C9orf72: variants seen among roughly 807,000 people sequenced by gnomAD.
C9orf72 encodes the protein C9orf72-SMCR8 complex subunit, also known as guanine nucleotide exchange factor C9orf72.
In C9orf72, 44 loss-of-function variants were observed where a neutral mutation model predicts 51.6. The observed-to-expected ratio is 0.85, with a 90% CI of 0.67 to 1.10. The LOEUF is 1.10. Ranked by LOEUF, C9orf72 falls within the 50% of genes least tolerant of loss-of-function variation. The probability of loss-of-function intolerance (pLI) is 0.00; values close to 1 mark genes in which losing one functional copy is unlikely to be tolerated. For missense variants in C9orf72, 607 were observed against 570.6 expected (o/e 1.06, Z -0.65); for synonymous variants, 213 against 194.2 (o/e 1.10, Z -0.81).
At chr9:27,556,420 C>T (rs1485107008) in intron 8 of C9orf72, 141 bp downstream of exon 8, 8 of 611,470 alleles carry the variant, frequency 1.3e-5, no homozygotes, top group Admixed American at 3.0e-5. Context: ...GAAAAAAATG[C>T]TTGATTAAAT....
At chr9:27,562,594 G>T in intron 3 of C9orf72, 118 bp from the exon 4 acceptor site, 1 of 462,160 alleles carries the variant, frequency 2.2e-6, no homozygotes, top group Non-Finnish European at 3.8e-6. Flanking sequence ...TTCGTAATTT[G>T]TTCAAACACA....
At chr9:27,563,712 C>T (rs866927833) in intron 3 of C9orf72, among the ~76,000 whole-genome samples, 2 of 151,962 alleles carry the variant, frequency 1.3e-5, no homozygotes, top group South Asian at 4.2e-4. Flanking sequence ...TTATCCTAAG[C>T]CATATGCCCA....
In C9orf72 at chr9:27,565,605, A is replaced by G. The variant is rs1460458397; in HGVS notation, c.445-15T>C. ...TCTTGTCTTTCCTGAGCAAGAGAAA[A>G]TTTATTTAAAAAAACAACCCACAAC... is the stretch of plus-strand genomic sequence containing the variant. On this transcript the variant is annotated splice_polypyrimidine_tract_variant and intron_variant, in intron 2 of 10. Transcript: ENST00000380003. The G allele has an allele frequency of 1.3e-6, 2 of 1,558,398 alleles. No homozygotes were observed. The highest frequency in any genetic ancestry group is 1.1e-5 in the South Asian group (1 of 89,290).
rs1370994052 is a variant in C9orf72, at chr9:27,547,866, T to G, written c.*370A>C. 6.4e-6 allele frequency: 1 copy of G among 156,408 alleles called. No individual in the cohort carries two copies. Among genetic ancestry groups the G allele is most frequent in the Non-Finnish European group, 1.4e-5 (1 of 70,636 alleles). The allele number at this position is 156,408 out of a possible 1,614,324, so 9.7% of individuals were successfully genotyped here. ...GAATGCCAAAAGATAGAAAGTCAAC[T>G]ATCTGTAAAAGCCAACTCAGATTTC... On this transcript the variant is annotated 3_prime_UTR_variant, in exon 11 of 11. Coordinates refer to ENST00000380003, the MANE Select transcript of C9orf72 (RefSeq NM_018325.5).
chr9:27,556,282 C>T (rs781249760), intron 8 of C9orf72, among the ~76,000 whole-genome samples: 37 of 151,886 alleles, frequency 2.4e-4, no homozygotes, highest in African/African-American at 6.5e-4. Context: ...CTATTAAGCC[C>T]GGTACCTAGA....
chr9:27,547,206 A>C lies in C9orf72; in HGVS notation c.*1030T>G, dbSNP rs1216596579. 1.3e-5 allele frequency: 2 copies of C among 152,644 alleles called. No homozygotes were observed. Among genetic ancestry groups the C allele is most frequent in the African/African-American group, 2.4e-5 (1 of 41,454 alleles). 9.5% of individuals were successfully genotyped at this position (152,644 alleles called of 1,614,324 possible). ...TTGCAGGCAAACAGCAACAACTTCA[A>C]AAACATAGGCAGAAATGCAAGAAGG... On this transcript the variant is annotated 3_prime_UTR_variant, in exon 11 of 11. Transcript: ENST00000380003.
intron 8 of C9orf72, among the ~76,000 whole-genome samples, chr9:27,555,836 T>TA (rs1563900745): frequency 1.3e-5 from 2 of 152,120 alleles, no homozygotes; most frequent in African/African-American, 4.8e-5. Flanking sequence ...GCTCTGTTCT[T>TA]ACAGGCATGA....
chr9:27,554,095 A>G (rs192730571), intron 8 of C9orf72, among the ~76,000 whole-genome samples: 1 of 152,310 alleles, frequency 6.6e-6, no homozygotes, highest in African/African-American at 2.4e-5. Context: ...GCTATTATGA[A>G]AAGCAGTTTG....
intron 5 of C9orf72, chr9:27,561,009 GT>G: frequency 5.7e-6 from 1 of 174,204 alleles, no homozygotes; most frequent in Admixed American, 6.6e-5. Context: ...ACTGTTCTAA[GT>G]GCTTTATATT....
intron 1 of C9orf72, among the ~76,000 whole-genome samples, chr9:27,571,906 A>T (rs1819594312): frequency 6.6e-6 from 1 of 152,226 alleles, no homozygotes; most frequent in Non-Finnish European, 1.5e-5. Context: ...ACACTTTCTC[A>T]ATCTTCAACA....
intron 7 of C9orf72, among the ~76,000 whole-genome samples, chr9:27,558,131 T>G (rs1819252530): frequency 6.6e-6 from 1 of 150,516 alleles, no homozygotes; most frequent in Non-Finnish European, 1.5e-5. Context: ...ATAAGCTTCT[T>G]AAAGATGTTT....
rs1819564684 is a variant in C9orf72, at chr9:27,570,582, T to A, written c.-45+2849A>T. Among the ~76,000 whole-genome samples, 11 of 150,522 alleles carry A rather than the reference T, an allele frequency of 7.3e-5. No homozygotes were observed. The South Asian group carries it at 1.9e-3, about 26-fold the overall frequency. Reference sequence around the variant, plus strand: ...TCCTAACAGAATAAGAAAAAAAAAATGGGCCGGGCATGGTGGGTCACACCT... The same window carrying A: ...TCCTAACAGAATAAGAAAAAAAAAAAGGGCCGGGCATGGTGGGTCACACCT... On this transcript the variant is annotated intron_variant, in intron 1 of 10. Transcript: ENST00000380003.
At chr9:27,565,984 T>A (rs992835259) in intron 2 of C9orf72, among the ~76,000 whole-genome samples, 3 of 152,150 alleles carry the variant, frequency 2.0e-5, no homozygotes, top group African/African-American at 4.8e-5. Context: ...TAGTAAAAAA[T>A]TATTCTTTTA....
At chr9:27,557,836 G>A (rs1177338037) in intron 7 of C9orf72, among the ~76,000 whole-genome samples, 4 of 151,636 alleles carry the variant, frequency 2.6e-5, no homozygotes, top group South Asian at 2.1e-4. Context: ...TCATTTTGCC[G>A]TGGCTACATC....
At chr9:27,557,429 CTAT>C (rs1053172435) in intron 7 of C9orf72, among the ~76,000 whole-genome samples, 50 of 152,218 alleles carry the variant, frequency 3.3e-4, no homozygotes, top group Middle Eastern at 3.4e-3. Context: ...CATTTTTTTA[CTAT>C]TATAATGCTG....
chr9:27,572,032 T>C (rs1303358214), intron 1 of C9orf72, among the ~76,000 whole-genome samples: 1 of 152,226 alleles, frequency 6.6e-6, no homozygotes, highest in Non-Finnish European at 1.5e-5. Flanking sequence ...CTAATTAACG[T>C]AGAATAGAAC....
chr9:27,565,620 C>A (rs1326153899), intron 2 of C9orf72, 30 bp from the exon 3 acceptor site: 3 of 1,353,306 alleles, frequency 2.2e-6, no homozygotes, highest in Non-Finnish European at 2.1e-6. Context: ...TTTAAAAAAA[C>A]AACCCACAAC....
chr9:27,549,410 A>T (rs923811239), intron 9 of C9orf72, among the ~76,000 whole-genome samples: 20 of 152,046 alleles, frequency 1.3e-4, no homozygotes, highest in Non-Finnish European at 2.4e-4. Context: ...GATGAGGTGG[A>T]GAGTGGGAGG....
chr9:27,548,191 C>A lies in C9orf72; in HGVS notation c.*45G>T. On this transcript the variant is annotated 3_prime_UTR_variant, in exon 11 of 11. Coordinates refer to ENST00000380003, the MANE Select transcript of C9orf72 (RefSeq NM_018325.5). Reference sequence around the variant, plus strand: ...TTCCCCACACCACTGAGCTACTTTACCAGCGATCATGATTGTGATGGAATA... The same window carrying A: ...TTCCCCACACCACTGAGCTACTTTAACAGCGATCATGATTGTGATGGAATA... The A allele has an allele frequency of 6.8e-7, 1 of 1,465,838 alleles. No homozygotes were observed. The allele number at this position is 1,465,838 out of a possible 1,614,324, so 90.8% of individuals were successfully genotyped here.
Sources: allele counts gnomAD v4.1 joint callset (sites outside exome capture counted in the v4.1 genomes callset), GRCh38; gene constraint gnomAD v4.1.1; transcripts MANE v1.5; gene names NCBI Gene and HGNC (gene_info 2026-07-23, HGNC 2026-07-21).